The following PDIA5 variants were observed in gnomAD, a reference collection of about 807,000 sequenced individuals.
The protein encoded by PDIA5 is protein disulfide isomerase family A member 5.
A neutral mutation model predicts 77.6 loss-of-function variants in PDIA5; 58 were observed. The ratio of observed to expected loss-of-function variants is 0.75; its 90% CI spans 0.61 to 0.93. The LOEUF (loss-of-function observed/expected upper bound fraction) is 0.93. PDIA5 is among the 40% of genes least tolerant of loss of function. The probability of loss-of-function intolerance (pLI) is 0.00; values close to 1 mark genes in which losing one functional copy is unlikely to be tolerated. For synonymous variants in PDIA5, 250 were observed against 252.1 expected (o/e 0.99, Z 0.08); for missense variants, 630 against 647.7 (o/e 0.97, Z 0.30).
At chr3:123,081,950 G>A (rs1934022234) in intron 1 of PDIA5, among the ~76,000 whole-genome samples, 1 of 152,246 alleles carries the variant, frequency 6.6e-6, no homozygotes, top group African/African-American at 2.4e-5. Context: ...AGTGAGCTGA[G>A]TGAAGAGAGG....
intron 7 of PDIA5, among the ~76,000 whole-genome samples, chr3:123,111,997 A>G (rs540375025): frequency 1.3e-5 from 2 of 152,306 alleles, no homozygotes; most frequent in East Asian, 3.9e-4. Flanking sequence ...AGCCATGGCC[A>G]TACATTGATG....
intron 11 of PDIA5, among the ~76,000 whole-genome samples, chr3:123,131,061 C>G (rs951834888): frequency 2.6e-5 from 4 of 152,086 alleles, no homozygotes; most frequent in Non-Finnish European, 5.9e-5. Flanking sequence ...TGTTTAAGGC[C>G]AGGAGTTCAA....
chr3:123,077,303 A>G (rs1264942537), intron 1 of PDIA5, among the ~76,000 whole-genome samples: 1 of 152,232 alleles, frequency 6.6e-6, no homozygotes, highest in Non-Finnish European at 1.5e-5. Flanking sequence ...TAATTCAGTT[A>G]GATAACATGT....
rs1934853422 is a variant in PDIA5 at position 123,111,109 on chromosome 3, C to A, written c.541+105C>A. 6 of 812,056 alleles carry A rather than the reference C, an allele frequency of 7.4e-6. No homozygotes were observed. The East Asian group carries it at 1.6e-4, about 21-fold the overall frequency. The allele number at this position is 812,056 out of a possible 1,614,324, so 50.3% of individuals were successfully genotyped here. A position where few individuals can be genotyped will look rare whatever the true frequency, so the allele number is the denominator to read the frequency against. ...GGGTCTGGGGGATTAGCCTGGGTGC[C>A]TGGCTTAGAACGCTGAATCTCATCT... On this transcript the variant is annotated intron_variant, in intron 7 of 16. Coordinates refer to ENST00000316218, the MANE Select transcript of PDIA5 (RefSeq NM_006810.4).
intron 15 of PDIA5, among the ~76,000 whole-genome samples, chr3:123,157,425 G>A (rs922136572): frequency 2.0e-5 from 3 of 152,190 alleles, no homozygotes; most frequent in African/African-American, 7.2e-5. Context: ...TGTGGGGACT[G>A]TTGGCCTGTC....
At chr3:123,095,691 G>A (rs1292509895) in intron 3 of PDIA5, among the ~76,000 whole-genome samples, 1 of 150,604 alleles carries the variant, frequency 6.6e-6, no homozygotes, top group East Asian at 1.9e-4. Context: ...GGAGGTTGCA[G>A]TGAGCCGAGA....
intron 8 of PDIA5, among the ~76,000 whole-genome samples, chr3:123,123,839 C>T (rs1480020309): frequency 6.6e-6 from 1 of 152,202 alleles, no homozygotes. Flanking sequence ...AGGGAGCAGG[C>T]GTGCGGAGTG....
At chr3:123,089,566 C>A (rs1399485575) in intron 2 of PDIA5, among the ~76,000 whole-genome samples, 1 of 152,202 alleles carries the variant, frequency 6.6e-6, no homozygotes, top group South Asian at 2.1e-4. Flanking sequence ...AGGGAGAGGG[C>A]GTGTGTGAAG....
At chr3:123,114,385 T>C (rs553673575) in intron 7 of PDIA5, among the ~76,000 whole-genome samples, 24 of 152,180 alleles carry the variant, frequency 1.6e-4, no homozygotes, top group Admixed American at 1.2e-3. Context: ...AATCCTGGCA[T>C]TGGACTAAGA....
intron 1 of PDIA5, among the ~76,000 whole-genome samples, chr3:123,082,157 T>A (rs1163217042): frequency 6.6e-6 from 1 of 152,186 alleles, no homozygotes; most frequent in Non-Finnish European, 1.5e-5. Flanking sequence ...GGACCCTCCT[T>A]GCCCTGGGAT....
chr3:123,094,166 T>G (rs1044978053), intron 3 of PDIA5, among the ~76,000 whole-genome samples: 1 of 152,190 alleles, frequency 6.6e-6, no homozygotes, highest in African/African-American at 2.4e-5. Flanking sequence ...CTTGAAAGAG[T>G]TAACCTTAAG....
In PDIA5 at chr3:123,161,332, C is replaced by T. The variant is rs530697386; in HGVS notation, c.1356C>T (p.Ala452=). ...ACCTTGGCTCCTAGATTGCCTGTGCCGCTGTTGACTGTGTCAAAGACAAGA... is the reference window on the plus strand; with the variant it reads ...ACCTTGGCTCCTAGATTGCCTGTGCTGCTGTTGACTGTGTCAAAGACAAGA... The part of the protein sequence containing the change: ...AFKDDRKIAC[A]AVDCVKDKNQ... The change falls in exon 16 of 17, where the codon GCC becomes GCT. Residue 452 remains alanine, a synonymous_variant. Coordinates refer to ENST00000316218, the MANE Select transcript of PDIA5 (RefSeq NM_006810.4). 115 of 1,613,892 alleles carry T rather than the reference C, an allele frequency of 7.1e-5. 1 individual carries two copies. The East Asian group carries it at 7.6e-4, about 11-fold the overall frequency.
rs372012622 is a variant in PDIA5 at position 123,150,223 on chromosome 3, G to A, written c.1143-11G>A. The A allele has an allele frequency of 6.7e-5, 107 of 1,606,482 alleles. No homozygotes were observed. Among genetic ancestry groups the A allele is most frequent in the Non-Finnish European group, 8.4e-5 (99 of 1,175,728 alleles). The stretch of plus-strand genomic sequence containing the variant: ...TTATGGCTGCCTCCCCACTCCCCTG[G>A]CTTCTTGCAGCCCTGAGGCCCCCCC... On this transcript the variant is annotated splice_polypyrimidine_tract_variant and intron_variant, in intron 13 of 16. Coordinates refer to ENST00000316218, the MANE Select transcript of PDIA5 (RefSeq NM_006810.4).
intron 8 of PDIA5, among the ~76,000 whole-genome samples, chr3:123,118,606 C>T (rs138284509): frequency 4.3e-4 from 65 of 152,330 alleles, no homozygotes; most frequent in African/African-American, 1.4e-3. Context: ...ATCCCTGTCA[C>T]GCACAGCCAG....
chr3:123,080,903 C>A (rs1179503595), intron 1 of PDIA5, among the ~76,000 whole-genome samples: 4 of 152,164 alleles, frequency 2.6e-5, no homozygotes, highest in Admixed American at 6.5e-5. Context: ...ATTAGCTCCT[C>A]TTTAGCAGGC....
Position 123,161,941 on chromosome 3 carries a change from A to C in PDIA5, c.1541A>C (p.Lys514Thr), listed in dbSNP as rs1456002581. The change falls in exon 17 of 17, where the codon AAA becomes ACA. Residue 514 changes from lysine (K) to threonine (T), a missense_variant. Transcript: ENST00000316218. ...LREGDHERLG[K>T]KKEEL Reference sequence around the variant, plus strand: ...GAGGGAGACCATGAAAGACTAGGGAAAAAGAAGGAAGAGTTATAATTCCTG... The same window carrying C: ...GAGGGAGACCATGAAAGACTAGGGACAAAGAAGGAAGAGTTATAATTCCTG... The C allele has an allele frequency of 1.3e-6, 2 of 1,598,120 alleles. No homozygotes were observed. Among genetic ancestry groups the C allele is most frequent in the East Asian group, 4.5e-5 (2 of 44,792 alleles).
At chr3:123,099,985 C>T (rs567678755) in intron 3 of PDIA5, among the ~76,000 whole-genome samples, 128 of 152,356 alleles carry the variant, frequency 8.4e-4, no homozygotes, top group Non-Finnish European at 1.5e-3. Context: ...GCAAGCCCTT[C>T]GCAGCTGCTG....
chr3:123,093,402 C>T (rs1206071322), intron 3 of PDIA5, among the ~76,000 whole-genome samples: 6 of 152,144 alleles, frequency 3.9e-5, no homozygotes, highest in Non-Finnish European at 1.5e-5. Context: ...AGTGTGCTTG[C>T]CTTGACCAGC....
At chr3:123,115,703 C>A (rs1042338913) in intron 7 of PDIA5, among the ~76,000 whole-genome samples, 2 of 152,252 alleles carry the variant, frequency 1.3e-5, no homozygotes, top group African/African-American at 4.8e-5. Context: ...CATCAGCCTG[C>A]CTCTGGTCAT....
Sources: gnomAD v4.1 joint callset for allele counts (sites outside exome capture counted in the v4.1 genomes callset) on GRCh38, gnomAD v4.1.1 for gene constraint, MANE v1.5 for transcripts, NCBI Gene and HGNC (gene_info 2026-07-23, HGNC 2026-07-21) for gene names.